Variants in CRIM1 observed in about 807,000 individuals in gnomAD.
CRIM1 encodes the protein cysteine rich transmembrane BMP regulator 1.
Under a neutral mutation model 116.4 loss-of-function variants are expected in CRIM1, and 32 were observed. That is an observed-to-expected ratio of 0.27 (90% CI 0.21 to 0.37). CRIM1 has a LOEUF of 0.37. Among genes scored for constraint, CRIM1 ranks in the 10% least tolerant of loss-of-function variants. The pLI, the probability that CRIM1 is intolerant of heterozygous loss-of-function variation, is 1.00. For missense variants in CRIM1, 1,331 were observed against 1,354.8 expected, an observed-to-expected ratio of 0.98 and a Z score of 0.28; for synonymous variants, 590 against 509.2, an observed-to-expected ratio of 1.16 and a Z score of -2.13.
Position 36,548,707 on chromosome 2 carries a change from G to C in CRIM1, c.*6G>C, listed in dbSNP as rs779025765. 4 of 1,573,376 alleles carry C rather than the reference G, an allele frequency of 2.5e-6. No homozygotes were observed. The East Asian group carries it at 6.7e-5, about 26-fold the overall frequency. ...ATTTCTACCAAACAGTGTGAAGAAA[G>C]GCAACTAGGATGAGGTTTCAAAAGA... On this transcript the variant is annotated 3_prime_UTR_variant, in exon 17 of 17. Transcript: ENST00000280527.
chr2:36,479,628 A>G lies in CRIM1; in HGVS notation c.1306A>G (p.Thr436Ala). ...CAACGGTGAACGCCACTGCGTTGCG[A>G]CCGTCTGCGGACAGACCTGCACAAA... is the stretch of plus-strand genomic sequence containing the variant. ...CVNGERHCVA[T>A]VCGQTCTNPV... Residue 436 changes from threonine (T) to alanine (A), a missense_variant, in exon 7 of 17, where the codon ACC becomes GCC. Around this residue, in one of 3 missense-constraint regions of CRIM1, gnomAD observed 690 missense variants for 676.0 expected, o/e 1.02. Coordinates refer to ENST00000280527, the MANE Select transcript of CRIM1 (RefSeq NM_016441.3). The G allele has an allele frequency of 3.7e-6, 6 of 1,614,238 alleles. No homozygotes were observed. Among genetic ancestry groups the G allele is most frequent in the Non-Finnish European group, 5.1e-6 (6 of 1,180,038 alleles).
intron 1 of CRIM1, among the ~76,000 whole-genome samples, chr2:36,357,715 G>C (rs1668947185): frequency 6.6e-6 from 1 of 152,166 alleles, no homozygotes; most frequent in Admixed American, 6.5e-5. Context: ...GCATCCTGGC[G>C]AGTGAGCAGA....
At position 36,473,384 on chromosome 2, in the gene CRIM1, A is replaced by G. The variant is rs1035569872; in HGVS notation, c.992-3505A>G. Among the ~76,000 whole-genome samples, 3 of 152,198 alleles carry G rather than the reference A, an allele frequency of 2.0e-5. No homozygotes were observed. In the East Asian group the frequency reaches 5.8e-4, roughly 29 times the overall value. On this transcript the variant is annotated intron_variant, in intron 5 of 16. Transcript: ENST00000280527. ...AAATAGCTTTAGGAGACACCATGCA[A>G]TTTACCAACTTAAGTTGTGCAATTC...
intron 1 of CRIM1, 61 bp from the exon 2 acceptor site, chr2:36,396,553 G>A (rs189436430): frequency 2.7e-5 from 32 of 1,200,850 alleles, no homozygotes; most frequent in Middle Eastern, 2.0e-4. Flanking sequence ...GTTTTTGCCC[G>A]CGAACAGGCC....
intron 4 of CRIM1, among the ~76,000 whole-genome samples, chr2:36,452,749 C>T (rs1052797624): frequency 3.3e-5 from 5 of 151,972 alleles, no homozygotes; most frequent in Non-Finnish European, 7.4e-5. Context: ...GTCTTAGTCC[C>T]GAAAACAAGC....
Position 36,356,489 on chromosome 2 carries a change from G to T in CRIM1, c.197G>T (p.Cys66Phe). Residue 66 changes from cysteine to phenylalanine, a missense_variant, in exon 1 of 17, where the codon TGC becomes TTC. Cys to Phe is a radical substitution (Grantham distance 205). This residue lies in a region of CRIM1 where 690 missense variants were observed against 676.0 expected (regional missense o/e 1.02). Transcript: ENST00000280527. The surrounding 1 kb of genome is among the most constrained non-coding windows in gnomAD (Gnocchi z 4.3). ...GGCGTCTGCGGCTGCTGCTACACGT[G>T]CGCCAGCCAGAGGAACGAGAGCTGC... Reference protein sequence around the residue: ...VQGVCGCCYTCASQRNESCGG... With the variant: ...VQGVCGCCYTFASQRNESCGG... 6.2e-7 allele frequency: 1 copy of T among 1,612,562 alleles called. No individual in the cohort carries two copies.
intron 4 of CRIM1, 57 bp downstream of exon 4, chr2:36,442,792 T>G: frequency 6.2e-7 from 1 of 1,603,030 alleles, no homozygotes. Flanking sequence ...TCATCTAAGG[T>G]ACATTTTGAG....
In CRIM1 at chr2:36,502,129, G is replaced by A. The variant is rs534243992; in HGVS notation, c.1501+2782G>A. Among the ~76,000 whole-genome samples the A allele has an allele frequency of 3.5e-4, 53 of 152,132 alleles. No homozygotes were observed. The South Asian group carries it at 9.4e-3, about 27-fold the overall frequency. On this transcript the variant is annotated intron_variant, in intron 8 of 16. Transcript: ENST00000280527. ...GTCCAGTCACCTCACCTACACTTGC[G>A]CCTGGGTTTTGCTATTGTGAAATCT... is the stretch of plus-strand genomic sequence containing the variant.
intron 5 of CRIM1, among the ~76,000 whole-genome samples, chr2:36,466,916 T>C (rs545846954): frequency 6.6e-6 from 1 of 152,324 alleles, no homozygotes; most frequent in East Asian, 1.9e-4. Context: ...GTGCCCTTCT[T>C]CTCTCCTTGC....
At chr2:36,449,691 G>A (rs1676539716) in intron 4 of CRIM1, among the ~76,000 whole-genome samples, 1 of 152,054 alleles carries the variant, frequency 6.6e-6, no homozygotes. Flanking sequence ...CTTTAGAAGG[G>A]AAGGAACCCA....
intron 2 of CRIM1, among the ~76,000 whole-genome samples, chr2:36,408,533 A>G (rs1672981714): frequency 2.0e-5 from 3 of 152,188 alleles, no homozygotes; most frequent in Admixed American, 6.5e-5. Context: ...CTGTGAGTGG[A>G]GACCACTCCC....
At chr2:36,359,155 G>A (rs1473261542) in intron 1 of CRIM1, among the ~76,000 whole-genome samples, 10 of 152,176 alleles carry the variant, frequency 6.6e-5, no homozygotes, top group African/African-American at 2.4e-4. Flanking sequence ...ACATGAATAG[G>A]AATCAATATA....
At chr2:36,436,101 G>A (rs1202444241) in intron 2 of CRIM1, among the ~76,000 whole-genome samples, 2 of 151,902 alleles carry the variant, frequency 1.3e-5, no homozygotes, top group African/African-American at 4.8e-5. Context: ...TTGATGGAGT[G>A]GCTGTAGTTT....
intron 1 of CRIM1, among the ~76,000 whole-genome samples, chr2:36,385,976 A>G (rs1340344228): frequency 6.6e-6 from 1 of 152,214 alleles, no homozygotes; most frequent in East Asian, 1.9e-4. Context: ...AGTATAATGA[A>G]AAATGTATAT....
chr2:36,409,470 T>G (rs1673053749), intron 2 of CRIM1, among the ~76,000 whole-genome samples: 1 of 152,206 alleles, frequency 6.6e-6, no homozygotes. Flanking sequence ...CCTTCCTGAC[T>G]GAGCCCTGCT....
At chr2:36,359,554 T>C (rs1482912779) in intron 1 of CRIM1, among the ~76,000 whole-genome samples, 1 of 152,090 alleles carries the variant, frequency 6.6e-6, no homozygotes, top group Non-Finnish European at 1.5e-5. Flanking sequence ...TCAGTAAAAG[T>C]ACATTGAACA....
chr2:36,522,462 G>A, intron 13 of CRIM1, 149 bp downstream of exon 13: 3 of 645,572 alleles, frequency 4.6e-6, no homozygotes, highest in Non-Finnish European at 8.2e-6. Flanking sequence ...ACACTGAGCA[G>A]AAGAAAGATA....
Position 36,408,785 on chromosome 2 carries a change from T to G in CRIM1, c.505+11998T>G, listed in dbSNP as rs752714544. On this transcript the variant is annotated intron_variant, in intron 2 of 16. Coordinates refer to ENST00000280527, the MANE Select transcript of CRIM1 (RefSeq NM_016441.3). ...AGCTGGACAGTTTATATCCTGCTTA[T>G]GAGAAGAAAAAAAAAAAGTCTGTGC... Among the ~76,000 whole-genome samples, 119 of 151,130 alleles carry G rather than the reference T, an allele frequency of 7.9e-4. 1 individual carries two copies. The highest frequency in any genetic ancestry group is 1.6e-3 in the Non-Finnish European group (107 of 67,870).
At position 36,356,538 on chromosome 2, in the gene CRIM1, A is replaced by C; in HGVS notation, c.246A>C (p.Gly82=). The C allele has an allele frequency of 6.2e-7, 1 of 1,612,834 alleles. No homozygotes were observed. Among genetic ancestry groups the C allele is most frequent in the Non-Finnish European group, 8.5e-7 (1 of 1,179,842 alleles). The change falls in exon 1 of 17, where the codon GGA becomes GGC. Residue 82 remains glycine (G), a synonymous_variant. Coordinates refer to ENST00000280527, the MANE Select transcript of CRIM1 (RefSeq NM_016441.3). This position sits in a 1 kb window ranked among gnomAD's most constrained non-coding sequence, Gnocchi z 4.3. ...GCGGCGGCACCTTCGGGATTTACGG[A>C]ACCTGCGACCGGGGGCTGCGTTGTG... ...ESCGGTFGIY[G]TCDRGLRCVI...
Sources: gnomAD v4.1 joint callset for allele counts (sites outside exome capture counted in the v4.1 genomes callset) on GRCh38, gnomAD v4.1.1 for gene constraint, gnomAD v4.1.1 regional missense constraint, Gnocchi (gnomAD v3.1) non-coding constraint, MANE v1.5 for transcripts, NCBI Gene and HGNC (gene_info 2026-07-23, HGNC 2026-07-21) for gene names.